The following PRPS2 variants were observed in gnomAD, a reference collection of about 807,000 sequenced individuals.
The protein encoded by PRPS2 is phosphoribosyl pyrophosphate synthetase 2.
For missense variants in PRPS2, 104 were observed against 271.5 expected (o/e 0.38, Z 4.34); for synonymous variants, 111 against 115.3 (o/e 0.96, Z 0.24).
At chrX:12,822,054 C>T (rs937478808) in intron 6 of PRPS2, among the ~76,000 whole-genome samples, 1 of 112,212 alleles carries the variant, frequency 8.9e-6, no homozygotes. Flanking sequence ...GTCAGGATAG[C>T]GATGTCATAT....
chrX:12,824,009 T>G lies in PRPS2; in HGVS notation c.*1213T>G, dbSNP rs970079448. On this transcript the variant is annotated 3_prime_UTR_variant, in exon 7 of 7. Coordinates refer to ENST00000380668, the MANE Select transcript of PRPS2 (RefSeq NM_002765.5). Reference sequence around the variant, plus strand: ...TGGCCAAAAACAGGAGCCAGAGAAATATGAATATACCAAAGTTGTTTGTTT... The same window carrying G: ...TGGCCAAAAACAGGAGCCAGAGAAAGATGAATATACCAAAGTTGTTTGTTT... The G allele has an allele frequency of 1.8e-5, 2 of 112,533 alleles. No homozygotes were observed. The highest frequency in any genetic ancestry group is 6.5e-5 in the African/African-American group (2 of 30,857). 9.3% of individuals were successfully genotyped at this position (112,533 alleles called of 1,213,427 possible). A position where few individuals can be genotyped will look rare whatever the true frequency, so the allele number is the denominator to read the frequency against.
intron 4 of PRPS2, among the ~76,000 whole-genome samples, chrX:12,811,293 C>T (rs1034969948): frequency 8.9e-6 from 1 of 112,128 alleles, no homozygotes; most frequent in African/African-American, 3.2e-5. Flanking sequence ...ACAACCTGGT[C>T]GTAACAGTAC....
At chrX:12,809,200 T>C in intron 2 of PRPS2, 34 bp from the exon 3 acceptor site, 1 of 1,144,526 alleles carries the variant, frequency 8.7e-7, no homozygotes, top group African/African-American at 1.8e-5. Context: ...GTATCCATCT[T>C]TTCCTGTTAT....
At chrX:12,803,036 T>C (rs973902163) in intron 2 of PRPS2, among the ~76,000 whole-genome samples, 16 of 112,264 alleles carry the variant, frequency 1.4e-4, no homozygotes, top group Admixed American at 4.7e-4. Context: ...AGCACTGTTA[T>C]AACAAATTAC....
intron 4 of PRPS2, among the ~76,000 whole-genome samples, chrX:12,818,366 CAA>C (rs35450855): frequency 6.4e-5 from 4 of 62,889 alleles, no homozygotes; most frequent in Admixed American, 1.9e-4. Context: ...GAAACTGTCT[CAA>C]AAAAAAAAAA....
At chrX:12,817,468 TAA>T (rs765566895) in intron 4 of PRPS2, among the ~76,000 whole-genome samples, 17,621 of 66,923 alleles carry the variant, frequency 0.26, 1,628 homozygotes, top group East Asian at 0.48. Context: ...ATGTTCCTCA[TAA>T]AAAAAAAAAA....
At chrX:12,807,899 G>A (rs1288905881) in intron 2 of PRPS2, among the ~76,000 whole-genome samples, 25 of 80,368 alleles carry the variant, frequency 3.1e-4, no homozygotes, top group African/African-American at 1.3e-3. Flanking sequence ...ATGGAGTCTC[G>A]CTCTGTCGCC....
chrX:12,810,239 C>CT (rs746722963), intron 4 of PRPS2, 93 bp downstream of exon 4: 2 of 1,118,677 alleles, frequency 1.8e-6, no homozygotes, highest in Admixed American at 4.9e-5. Context: ...CTGTAAATTA[C>CT]TTAAAGCTTT....
chrX:12,791,804 G>T (rs1208725650), intron 1 of PRPS2, among the ~76,000 whole-genome samples, 185 bp downstream of exon 1: 73 of 110,828 alleles, frequency 6.6e-4, no homozygotes, highest in African/African-American at 2.0e-3. Flanking sequence ...GAGGCGGGGC[G>T]CCGCGCGTCC....
In PRPS2 at chrX:12,805,728, G is replaced by A. The variant is rs946137057; in HGVS notation, c.307-3506G>A. Among the ~76,000 whole-genome samples, 5 of 112,031 alleles carry A rather than the reference G, an allele frequency of 4.5e-5. No homozygotes were observed. In the East Asian group the frequency reaches 1.4e-3, roughly 31 times the overall value. The stretch of plus-strand genomic sequence containing the variant: ...TTGGCCCATGGATTCTAATTTGCCG[G>A]TCCCTGCTATAGAAGACACTCAATA... On this transcript the variant is annotated intron_variant, in intron 2 of 6. Coordinates refer to ENST00000380668, the MANE Select transcript of PRPS2 (RefSeq NM_002765.5).
At chrX:12,815,275 A>G (rs998948802) in intron 4 of PRPS2, among the ~76,000 whole-genome samples, 7 of 111,309 alleles carry the variant, frequency 6.3e-5, no homozygotes, top group Non-Finnish European at 1.1e-4. Flanking sequence ...CAAGAACCAC[A>G]GAGCTCACCT....
chrX:12,820,812 T>C lies in PRPS2; in HGVS notation c.864+9T>C, dbSNP rs754046486. 1.2e-5 allele frequency: 15 copies of C among 1,206,143 alleles called. No individual in the cohort carries two copies. On this transcript the variant is annotated intron_variant, in intron 6 of 6. Transcript: ENST00000380668. The stretch of plus-strand genomic sequence containing the variant: ...ACTGCACCAAGATTCAGGTACTGTC[T>C]ATACACCAAAGGCAGCCAAGCAGCC...
At chrX:12,794,848 G>C (rs180887642) in intron 1 of PRPS2, among the ~76,000 whole-genome samples, 1 of 111,868 alleles carries the variant, frequency 8.9e-6, no homozygotes, top group Non-Finnish European at 1.9e-5. Context: ...TGGGATAAAC[G>C]TCATAAGACC....
intron 2 of PRPS2, among the ~76,000 whole-genome samples, chrX:12,800,692 T>C (rs1407681769): frequency 8.9e-6 from 1 of 112,011 alleles, no homozygotes; most frequent in African/African-American, 3.3e-5. Flanking sequence ...AATTCATTTC[T>C]GAAACAACAC....
intron 2 of PRPS2, among the ~76,000 whole-genome samples, chrX:12,805,760 G>T (rs891129667): frequency 1.8e-4 from 20 of 111,945 alleles, no homozygotes; most frequent in African/African-American, 6.2e-4. Flanking sequence ...AATAACTGCT[G>T]GTTCCCTTCC....
At chrX:12,804,604 C>T (rs1360601654) in intron 2 of PRPS2, among the ~76,000 whole-genome samples, 1 of 111,379 alleles carries the variant, frequency 9.0e-6, no homozygotes, top group Admixed American at 9.6e-5. Flanking sequence ...CAGCATACTT[C>T]ATCTCTTAGA....
At chrX:12,799,498 T>C (rs1233792746) in intron 2 of PRPS2, 108 bp downstream of exon 2, 1 of 865,399 alleles carries the variant, frequency 1.2e-6, no homozygotes, top group Non-Finnish European at 1.6e-6. Context: ...GCTTTTTCCT[T>C]TGATGATCAA....
At chrX:12,802,056 T>C (rs924399029) in intron 2 of PRPS2, among the ~76,000 whole-genome samples, 4 of 112,980 alleles carry the variant, frequency 3.5e-5, no homozygotes, top group African/African-American at 1.3e-4. Flanking sequence ...ACCCGATTTG[T>C]AACCCCATTT....
intron 2 of PRPS2, among the ~76,000 whole-genome samples, chrX:12,801,221 CGTGTGTGT>C (rs72506508): frequency 2.2e-4 from 21 of 93,384 alleles, no homozygotes; most frequent in African/African-American, 4.4e-4. Flanking sequence ...TGCGTGCGCA[CGTGTGTGT>C]GTGTGTGTGT....
Sources: gnomAD v4.1 joint callset for allele counts (sites outside exome capture counted in the v4.1 genomes callset) on GRCh38, gnomAD v4.1.1 for gene constraint, MANE v1.5 for transcripts, NCBI Gene and HGNC (gene_info 2026-07-23, HGNC 2026-07-21) for gene names.